ITPRID1: variants seen among roughly 807,000 people sequenced by gnomAD.
ITPRID1 encodes ITPR interacting domain containing 1, also known as protein ITPRID1.
ITPRID1 carries 96 observed loss-of-function variants against 95.4 expected under a neutral mutation model. The observed-to-expected ratio is 1.01, with a 90% CI of 0.85 to 1.19. ITPRID1 has a LOEUF of 1.19. Among genes scored for constraint, ITPRID1 ranks in the 50% most tolerant of loss-of-function variants. The probability of loss-of-function intolerance (pLI) is 0.00; values close to 1 mark genes in which losing one functional copy is unlikely to be tolerated. For missense variants in ITPRID1, 1,339 were observed against 1,252.9 expected (o/e 1.07, Z -1.04); for synonymous variants, 510 against 453.6 (o/e 1.12, Z -1.58).
intron 10 of ITPRID1, among the ~76,000 whole-genome samples, chr7:31,605,143 A>AT (rs1786561053): frequency 6.6e-6 from 1 of 151,504 alleles, no homozygotes; most frequent in African/African-American, 2.4e-5. Context: ...ATCTCAAAAA[A>AT]AAAAAGAGAA....
chr7:31,549,335 C>A, intron 1 of ITPRID1, 91 bp from the exon 2 acceptor site: 1 of 890,204 alleles, frequency 1.1e-6, no homozygotes, highest in Non-Finnish European at 1.6e-6. Flanking sequence ...AATTTCAAGA[C>A]AACACAGGCT....
intron 7 of ITPRID1, among the ~76,000 whole-genome samples, chr7:31,573,293 C>T (rs1785056128): frequency 6.6e-6 from 1 of 151,766 alleles, no homozygotes; most frequent in Non-Finnish European, 1.5e-5. Context: ...ATTTCTACAA[C>T]ATATACATAG....
At chr7:31,561,459 T>TTA (rs58357886) in intron 5 of ITPRID1, among the ~76,000 whole-genome samples, 86,306 of 151,494 alleles carry the variant, frequency 0.57, 25,886 homozygotes, top group Middle Eastern at 0.7. Flanking sequence ...AAAACATTGC[T>TTA]TACCCAAGCT....
At position 31,652,634 on chromosome 7, in the gene ITPRID1, C is replaced by T; in HGVS notation, c.2940C>T (p.Ala980=). ...GTTCTAAAATCCACCCAGGCATGGC[C>T]CCGAGGACTGTGTTTCCTCCCGATG... ...TSCSKIHPGM[A]PRTVFPPDDG... The change falls in exon 15 of 15, where the codon GCC becomes GCT. Residue 980 remains alanine (A), a synonymous_variant. Transcript: ENST00000615280. 1.2e-6 allele frequency: 2 copies of T among 1,613,786 alleles called. No individual in the cohort carries two copies. Among genetic ancestry groups the T allele is most frequent in the Non-Finnish European group, 1.7e-6 (2 of 1,179,826 alleles).
chr7:31,514,244 C>T (rs1782982491), intron 1 of ITPRID1, 124 bp downstream of exon 1: 1 of 152,102 alleles, frequency 6.6e-6, no homozygotes, highest in Non-Finnish European at 1.5e-5. Flanking sequence ...TGTGTGTGCT[C>T]TAGGAACCTA....
At chr7:31,515,865 G>A (rs887184315) in intron 1 of ITPRID1, among the ~76,000 whole-genome samples, 2 of 152,168 alleles carry the variant, frequency 1.3e-5, no homozygotes, top group African/African-American at 4.8e-5. Flanking sequence ...AAGGGAGCAG[G>A]GAACAAGCAG....
chr7:31,658,158 T>C (rs953437803), downstream of ITPRID1: 2 of 879,388 alleles, frequency 2.3e-6, no homozygotes, highest in South Asian at 2.3e-5. Flanking sequence ...CCACAGTGTA[T>C]GCATAGGCCA....
chr7:31,618,403 T>C (rs183017322), intron 10 of ITPRID1, among the ~76,000 whole-genome samples: 1 of 152,342 alleles, frequency 6.6e-6, no homozygotes, highest in African/African-American at 2.4e-5. Context: ...AATTAGGCTA[T>C]TGAAGAAGAG....
intron 12 of ITPRID1, among the ~76,000 whole-genome samples, chr7:31,647,641 T>C (rs1235325031): frequency 8.0e-6 from 1 of 125,282 alleles, no homozygotes; most frequent in Non-Finnish European, 1.6e-5. Flanking sequence ...GCCACTGCAC[T>C]CCAGCCTGAG....
intron 10 of ITPRID1, among the ~76,000 whole-genome samples, chr7:31,608,581 G>T (rs1033134824): frequency 6.6e-6 from 1 of 151,558 alleles, no homozygotes; most frequent in Non-Finnish European, 1.5e-5. Context: ...TAGTTCTTTG[G>T]TTCAGTTTAT....
rs896902896 is a variant in ITPRID1, at chr7:31,643,896, C to T, written c.2526C>T (p.Ala842=). The T allele has an allele frequency of 6.2e-7, 1 of 1,613,858 alleles. No individual in the cohort carries two copies. The highest frequency in any genetic ancestry group is 8.5e-7 in the Non-Finnish European group (1 of 1,179,882). ...GTTCACTAACTGGTCACCAGGAAGC[C>T]CAGTTCATGACGACTTTGAAAGCCC... ...CLCSLTGHQE[A]QFMTTLKALQ... The change falls in exon 12 of 15, where the codon GCC becomes GCT. Residue 842 remains alanine (A), a synonymous_variant. Coordinates refer to ENST00000615280, the MANE Select transcript of ITPRID1 (RefSeq NM_001257967.3).
At chr7:31,561,100 C>A (rs377099103) in intron 5 of ITPRID1, among the ~76,000 whole-genome samples, 2 of 151,710 alleles carry the variant, frequency 1.3e-5, no homozygotes, top group Non-Finnish European at 1.5e-5. Context: ...GGAACGACAC[C>A]GTAACCTTGA....
chr7:31,635,390 T>C lies in ITPRID1; in HGVS notation c.1229-6786T>C, dbSNP rs560229908. The stretch of plus-strand genomic sequence containing the variant: ...GATTGACATGCAGGCATTTCACTTC[T>C]AAAACAAACACAAGATAAATAAGCC... On this transcript the variant is annotated intron_variant, in intron 10 of 14. Coordinates refer to ENST00000615280, the MANE Select transcript of ITPRID1 (RefSeq NM_001257967.3). 7.2e-5 allele frequency among the ~76,000 whole-genome samples: 11 copies of C among 152,316 alleles called. No homozygotes were observed. In the South Asian group the frequency reaches 2.3e-3, roughly 32 times the overall value.
intron 10 of ITPRID1, among the ~76,000 whole-genome samples, chr7:31,588,226 A>G (rs934193921): frequency 6.6e-6 from 1 of 152,118 alleles, no homozygotes; most frequent in Non-Finnish European, 1.5e-5. Context: ...GAGTGGAGGG[A>G]GTTTCAACAC....
At chr7:31,622,302 ATT>A (rs201852654) in intron 10 of ITPRID1, among the ~76,000 whole-genome samples, 5 of 150,714 alleles carry the variant, frequency 3.3e-5, no homozygotes, top group Middle Eastern at 3.4e-3. Flanking sequence ...CAGAATATAC[ATT>A]TTTTTTTCAG....
intron 1 of ITPRID1, among the ~76,000 whole-genome samples, chr7:31,534,877 A>T (rs1783710605): frequency 6.6e-6 from 1 of 151,972 alleles, no homozygotes; most frequent in African/African-American, 2.4e-5. Context: ...GAATTACATA[A>T]TTTTAAATTA....
In ITPRID1 at chr7:31,655,028, C is replaced by G. The variant is rs763297838; in HGVS notation, c.*2199C>G. Among the ~76,000 whole-genome samples, 1 of 152,124 alleles carries G rather than the reference C, an allele frequency of 6.6e-6. No homozygotes were observed. The highest frequency in any genetic ancestry group is 2.4e-5 in the African/African-American group (1 of 41,436). On this transcript the variant is annotated 3_prime_UTR_variant, in exon 15 of 15. Coordinates refer to ENST00000615280, the MANE Select transcript of ITPRID1 (RefSeq NM_001257967.3). ...CTGAATTCTCTTCTCTTTCTCCATT[C>G]CTCTGTCCTCAGTATACACACACAC...
At chr7:31,651,741 G>A (rs913477315) in intron 13 of ITPRID1, among the ~76,000 whole-genome samples, 198 bp from the exon 14 acceptor site, 2 of 150,748 alleles carry the variant, frequency 1.3e-5, no homozygotes, top group South Asian at 2.1e-4. Flanking sequence ...TAAAATAGGG[G>A]AACTATATTA....
intron 5 of ITPRID1, among the ~76,000 whole-genome samples, chr7:31,559,801 C>T (rs1784568389): frequency 6.6e-6 from 1 of 152,188 alleles, no homozygotes; most frequent in Non-Finnish European, 1.5e-5. Context: ...GCCCATATCT[C>T]CCCTTGAGCC....
Sources: gnomAD v4.1 joint callset for allele counts (sites outside exome capture counted in the v4.1 genomes callset) on GRCh38, gnomAD v4.1.1 for gene constraint, MANE v1.5 for transcripts, NCBI Gene and HGNC (gene_info 2026-07-23, HGNC 2026-07-21) for gene names.